MCC: variants seen among roughly 807,000 people sequenced by gnomAD.
MCC encodes colorectal mutant cancer protein.
MCC carries 90 observed loss-of-function variants against 116.2 expected under a neutral mutation model. That is an observed-to-expected ratio of 0.77 (90% confidence interval 0.65 to 0.92). The LOEUF is 0.92. MCC is among the 40% of genes least tolerant of loss of function. The pLI is 0.00. For missense variants in MCC, 1,516 were observed against 1,312.2 expected (o/e 1.16, Z -2.40); for synonymous variants, 578 against 510.5 (o/e 1.13, Z -1.78).
intron 1 of MCC, among the ~76,000 whole-genome samples, chr5:113,391,014 C>T (rs189215468): frequency 2.6e-5 from 4 of 152,128 alleles, no homozygotes; most frequent in Admixed American, 2.0e-4. Context: ...AACAGGTTTC[C>T]GGGCTATAGT....
At chr5:113,061,359 G>A (rs980871837) in intron 14 of MCC, among the ~76,000 whole-genome samples, 1 of 152,242 alleles carries the variant, frequency 6.6e-6, no homozygotes, top group Non-Finnish European at 1.5e-5. Context: ...CACAGAAGGA[G>A]CTGAACTGTG....
At chr5:113,031,931 G>A (rs1750980550) in intron 17 of MCC, among the ~76,000 whole-genome samples, 2 of 152,290 alleles carry the variant, frequency 1.3e-5, no homozygotes, top group South Asian at 2.1e-4. Flanking sequence ...GCTTAGAACT[G>A]CCTGGCCTTC....
chr5:113,311,093 G>GGGTGA (rs1767125375), intron 3 of MCC, among the ~76,000 whole-genome samples: 1 of 152,184 alleles, frequency 6.6e-6, no homozygotes, highest in Non-Finnish European at 1.5e-5. Context: ...TCAAGCCACT[G>GGGTGA]CACTTCAGTC....
chr5:113,330,375 C>CT (rs1298125930), intron 3 of MCC, among the ~76,000 whole-genome samples: 1 of 152,196 alleles, frequency 6.6e-6, no homozygotes, highest in Non-Finnish European at 1.5e-5. Context: ...ATTCCTGTAC[C>CT]TTTTTTCTCC....
intron 3 of MCC, among the ~76,000 whole-genome samples, chr5:113,160,500 T>C (rs1240475387): frequency 6.6e-6 from 1 of 152,200 alleles, no homozygotes; most frequent in African/African-American, 2.4e-5. Context: ...GAGGTAGGAA[T>C]TGAGACTTAG....
At chr5:113,312,276 GA>G (rs563209328) in intron 3 of MCC, among the ~76,000 whole-genome samples, 55 of 145,548 alleles carry the variant, frequency 3.8e-4, no homozygotes, top group East Asian at 6.0e-4. Flanking sequence ...AACTCTGTCT[GA>G]AAAAAAAAAA....
At chr5:113,478,553 A>G (rs1772292661) in intron 1 of MCC, among the ~76,000 whole-genome samples, 1 of 152,164 alleles carries the variant, frequency 6.6e-6, no homozygotes, top group African/African-American at 2.4e-5. Flanking sequence ...GCCTGGGGAG[A>G]GGAGTCAGGA....
Position 113,024,638 on chromosome 5 carries a change from C to G in MCC, c.*2664G>C, listed in dbSNP as rs1750401798. 6.6e-6 allele frequency: 1 copy of G among 152,138 alleles called. No individual in the cohort carries two copies. Among genetic ancestry groups the G allele is most frequent in the African/African-American group, 2.4e-5 (1 of 41,450 alleles). 9.4% of individuals were successfully genotyped at this position (152,138 alleles called of 1,614,324 possible). A position where few individuals can be genotyped will look rare whatever the true frequency, so the allele number is the denominator to read the frequency against. On this transcript the variant is annotated 3_prime_UTR_variant, in exon 19 of 19. Coordinates refer to ENST00000408903, the MANE Select transcript of MCC (RefSeq NM_001085377.2). ...TTTTTAACCTCATATAAATTAGAAT[C>G]AAGATCATTGTTTACCCTCATTGGA...
At chr5:113,397,309 G>A (rs6871812) in intron 1 of MCC, among the ~76,000 whole-genome samples, 66,852 of 151,842 alleles carry the variant, frequency 0.44, 16,112 homozygotes, top group African/African-American at 0.63. Context: ...ATGACGTTGA[G>A]CCCATGCATT....
intron 3 of MCC, among the ~76,000 whole-genome samples, chr5:113,196,259 C>T (rs564251501): frequency 2.0e-5 from 3 of 152,324 alleles, no homozygotes; most frequent in African/African-American, 7.2e-5. Context: ...ATGAATGACC[C>T]TCTTTCCTGA....
rs553336018 is a variant in MCC, at chr5:113,110,539, T to G, written c.1028-6184A>C. Among the ~76,000 whole-genome samples, 4 of 152,360 alleles carry G rather than the reference T, an allele frequency of 2.6e-5. No homozygotes were observed. In the South Asian group the frequency reaches 8.3e-4, roughly 32 times the overall value. On this transcript the variant is annotated intron_variant, in intron 6 of 18. Coordinates refer to ENST00000408903, the MANE Select transcript of MCC (RefSeq NM_001085377.2). ...AGCCAGTTTCACACATATGTGGATT[T>G]CATATGGTTTCTTCTTATGTTAACC... is the stretch of plus-strand genomic sequence containing the variant.
At chr5:113,132,532 A>T (rs1198257553) in intron 5 of MCC, among the ~76,000 whole-genome samples, 9 of 151,402 alleles carry the variant, frequency 5.9e-5, no homozygotes, top group Non-Finnish European at 1.3e-4. Flanking sequence ...TCTTTTCTGC[A>T]ACTGGTCATG....
chr5:113,034,786 T>C (rs878074), intron 17 of MCC, among the ~76,000 whole-genome samples: 148,970 of 152,330 alleles, frequency 0.98, 72,851 homozygotes, highest in East Asian at 1. Flanking sequence ...TCCAGCGGTC[T>C]GGTCCCTTCT....
intron 15 of MCC, among the ~76,000 whole-genome samples, chr5:113,053,110 G>A (rs1035448378): frequency 4.0e-4 from 61 of 152,138 alleles, no homozygotes; most frequent in African/African-American, 1.4e-3. Flanking sequence ...CTACTTCCCA[G>A]TAGGGGACAC....
chr5:113,202,602 A>G (rs958171032), intron 3 of MCC, among the ~76,000 whole-genome samples: 9 of 152,144 alleles, frequency 5.9e-5, no homozygotes, highest in Admixed American at 1.3e-4. Flanking sequence ...ACGCTTATAC[A>G]CACATGGTAT....
At chr5:113,351,517 G>A (rs1845290) in intron 2 of MCC, among the ~76,000 whole-genome samples, 93,663 of 151,968 alleles carry the variant, frequency 0.62, 31,595 homozygotes, top group African/African-American at 0.9. Context: ...GGAGATAGAG[G>A]ATAAGGATGG....
At chr5:113,062,241 A>G (rs1399223762) in intron 14 of MCC, among the ~76,000 whole-genome samples, 1 of 152,230 alleles carries the variant, frequency 6.6e-6, no homozygotes, top group Non-Finnish European at 1.5e-5. Flanking sequence ...TTTTGAATTT[A>G]TCTCAATCTG....
At chr5:113,342,723 G>A (rs1036471348) in intron 2 of MCC, among the ~76,000 whole-genome samples, 3 of 152,304 alleles carry the variant, frequency 2.0e-5, no homozygotes, top group East Asian at 1.9e-4. Context: ...ATGTCTTGTG[G>A]GTGCATCTGG....
chr5:113,219,430 T>C (rs1267956145), intron 3 of MCC, among the ~76,000 whole-genome samples: 3 of 152,346 alleles, frequency 2.0e-5, no homozygotes, highest in Admixed American at 6.5e-5. Flanking sequence ...CTGCTATGTT[T>C]AACCACAAAT....
Sources: allele counts gnomAD v4.1 joint callset (sites outside exome capture counted in the v4.1 genomes callset), GRCh38; gene constraint gnomAD v4.1.1; transcripts MANE v1.5; gene names NCBI Gene and HGNC (gene_info 2026-07-23, HGNC 2026-07-21).